ZNF679: variants seen among roughly 807,000 people sequenced by gnomAD.
ZNF679 encodes hypothetical protein MGC42415.
ZNF679 carries 10 observed loss-of-function variants against 13.4 expected under a neutral mutation model. The ratio of observed to expected loss-of-function variants is 0.75; its 90% CI spans 0.46 to 1.27. The LOEUF (loss-of-function observed/expected upper bound fraction) is 1.27, where lower values mean the gene tolerates loss of function less well. Among genes scored for constraint, ZNF679 ranks in the 50% most tolerant of loss-of-function variants. The pLI is 0.00. For synonymous variants in ZNF679, 179 were observed against 162.5 expected (o/e 1.10, Z -0.77); for missense variants, 525 against 477.8 (o/e 1.10, Z -0.92).
In ZNF679 at chr7:64,266,785, A is replaced by C. The variant is rs772498525; in HGVS notation, c.1152A>C (p.Glu384Asp). 5 of 1,609,088 alleles carry C rather than the reference A, an allele frequency of 3.1e-6. No individual in the cohort carries two copies. The African/African-American group carries it at 6.7e-5, about 22-fold the overall frequency. ...HTGEEPYKCE[E>D]CDKAFKWSSS... Reference sequence around the variant, plus strand: ...GAGAGGAACCCTACAAATGTGAAGAATGTGACAAAGCTTTTAAGTGGTCCT... The same window carrying C: ...GAGAGGAACCCTACAAATGTGAAGACTGTGACAAAGCTTTTAAGTGGTCCT... Residue 384 changes from glutamate (E) to aspartate (D), a missense_variant, in exon 5 of 5, where the codon GAA becomes GAC. Transcript: ENST00000421025.
intron 1 of ZNF679, among the ~76,000 whole-genome samples, chr7:64,247,405 G>A (rs777749739): frequency 1.2e-4 from 19 of 152,122 alleles, no homozygotes; most frequent in Non-Finnish European, 2.8e-4. Flanking sequence ...ACTGCAATAT[G>A]CTAGAAAGGT....
At chr7:64,257,978 A>C (rs1331140972) in intron 2 of ZNF679, among the ~76,000 whole-genome samples, 2 of 152,178 alleles carry the variant, frequency 1.3e-5, no homozygotes, top group African/African-American at 4.8e-5. Flanking sequence ...GAGGGGTTCA[A>C]GTTACGTTCA....
At chr7:64,258,878 T>C (rs1788039348) in intron 2 of ZNF679, among the ~76,000 whole-genome samples, 1 of 149,220 alleles carries the variant, frequency 6.7e-6, no homozygotes, top group Admixed American at 6.8e-5. Flanking sequence ...TATAGCATAG[T>C]CTTCTTTTTT....
chr7:64,260,775 C>T (rs1191565909), intron 3 of ZNF679, 59 bp from the exon 4 acceptor site: 9 of 1,513,556 alleles, frequency 5.9e-6, no homozygotes, highest in South Asian at 4.9e-5. Flanking sequence ...GCATAATACT[C>T]GTTTGGTAAT....
chr7:64,245,372 G>A (rs887759509), intron 1 of ZNF679, among the ~76,000 whole-genome samples: 3 of 151,438 alleles, frequency 2.0e-5, no homozygotes, highest in Non-Finnish European at 4.4e-5. Flanking sequence ...GATCTTTGGG[G>A]AAGATGGTGG....
chr7:64,245,589 T>C (rs1787858655), intron 1 of ZNF679, among the ~76,000 whole-genome samples: 1 of 152,134 alleles, frequency 6.6e-6, no homozygotes, highest in Non-Finnish European at 1.5e-5. Context: ...AGAATCTTTT[T>C]TGGCAGTCCC....
rs868085361 is a variant in ZNF679 at position 64,255,880 on chromosome 7, A to G, written c.40-4341A>G. Among the ~76,000 whole-genome samples the G allele has an allele frequency of 6.6e-5, 10 of 152,126 alleles. No homozygotes were observed. The South Asian group carries it at 2.1e-3, about 32-fold the overall frequency. On this transcript the variant is annotated intron_variant, in intron 2 of 4. Transcript: ENST00000421025. ...TGCCTCAACCTCCCAAAGGGTTGGGATTACAGGTGTGAGCCACCGCGCCTG... is the reference window on the plus strand; with the variant it reads ...TGCCTCAACCTCCCAAAGGGTTGGGGTTACAGGTGTGAGCCACCGCGCCTG...
intron 1 of ZNF679, among the ~76,000 whole-genome samples, chr7:64,233,173 G>A (rs1265845645): frequency 6.6e-6 from 1 of 151,734 alleles, no homozygotes; most frequent in Non-Finnish European, 1.5e-5. Flanking sequence ...TCCGGGAGGA[G>A]GTTGTGGTGA....
intron 1 of ZNF679, among the ~76,000 whole-genome samples, chr7:64,245,769 G>A (rs62461242): frequency 3.9e-3 from 601 of 152,286 alleles, no homozygotes; most frequent in Non-Finnish European, 5.5e-3. Context: ...TACCTCGGGA[G>A]GCCGAGGTGG....
chr7:64,263,725 C>T (rs1170623160), intron 4 of ZNF679, among the ~76,000 whole-genome samples: 1 of 152,124 alleles, frequency 6.6e-6, no homozygotes. Context: ...TCTTTTTTGC[C>T]TTCCACTATA....
intron 1 of ZNF679, among the ~76,000 whole-genome samples, chr7:64,229,268 C>G (rs566402591): frequency 1.7e-4 from 26 of 152,182 alleles, no homozygotes; most frequent in African/African-American, 6.0e-4. Context: ...TTATACTGTA[C>G]GCATGAGTGT....
At chr7:64,242,915 G>C (rs1296838733) in intron 1 of ZNF679, among the ~76,000 whole-genome samples, 13 of 152,106 alleles carry the variant, frequency 8.5e-5, no homozygotes, top group Admixed American at 8.5e-4. Flanking sequence ...CTCACCACCT[G>C]ACCTTTGTCC....
intron 2 of ZNF679, among the ~76,000 whole-genome samples, chr7:64,255,967 T>C (rs1049868828): frequency 4.6e-5 from 7 of 152,140 alleles, no homozygotes; most frequent in Admixed American, 4.6e-4. Context: ...AAGTTTGTTA[T>C]ATAGGTAAAA....
At position 64,266,303 on chromosome 7, in the gene ZNF679, T is replaced by C; in HGVS notation, c.670T>C (p.Ser224Pro). The C allele has an allele frequency of 6.2e-7, 1 of 1,609,140 alleles. No individual in the cohort carries two copies. Among genetic ancestry groups the C allele is most frequent in the African/African-American group, 1.3e-5 (1 of 74,866 alleles). ...CEECGKPFNC[S>P]STLSKHKRIH... ...AGAATGCGGCAAACCCTTCAACTGC[T>C]CTTCAACCCTTTCTAAACATAAAAG... The change falls in exon 5 of 5, where the codon TCT (serine) becomes CCT (proline). Residue 224 changes from serine (S) to proline (P), a missense_variant. By Grantham distance (74) the Ser-to-Pro change is moderately conservative. Coordinates refer to ENST00000421025, the MANE Select transcript of ZNF679 (RefSeq NM_153363.3).
Position 64,260,220 on chromosome 7 carries a change from G to A in ZNF679, c.40-1G>A. Reference sequence around the variant, plus strand: ...TTTTTGTTGTTGTTATTGTTTTTCAGGGACTGTTGACATTCAGAGATGTAG... The same window carrying A: ...TTTTTGTTGTTGTTATTGTTTTTCAAGGACTGTTGACATTCAGAGATGTAG... On this transcript the variant is annotated splice_acceptor_variant, in intron 2 of 4. Coordinates refer to ENST00000421025, the MANE Select transcript of ZNF679 (RefSeq NM_153363.3). LOFTEE classifies it high-confidence loss of function. 6.3e-7 allele frequency: 1 copy of A among 1,597,808 alleles called. No individual in the cohort carries two copies. The highest frequency in any genetic ancestry group is 8.5e-7 in the Non-Finnish European group (1 of 1,175,300).
intron 1 of ZNF679, among the ~76,000 whole-genome samples, chr7:64,248,718 C>T (rs1159039144): frequency 6.6e-6 from 1 of 152,238 alleles, no homozygotes; most frequent in South Asian, 2.1e-4. Flanking sequence ...TTATGAATAA[C>T]TATATTATAT....
chr7:64,230,062 G>C (rs1787616020), intron 1 of ZNF679, among the ~76,000 whole-genome samples: 1 of 152,212 alleles, frequency 6.6e-6, no homozygotes. Context: ...GCAGGATCCA[G>C]CGATATGTTA....
At position 64,236,919 on chromosome 7, in the gene ZNF679, AAAG is replaced by A. The variant is rs1279949640; in HGVS notation, c.-91+8273_-91+8275del. Among the ~76,000 whole-genome samples, 171 of 121,024 alleles carry A rather than the reference AAAG, an allele frequency of 1.4e-3. 1 individual carries two copies. The highest frequency in any genetic ancestry group is 1.8e-3 in the East Asian group (7 of 3,784). 79.4% of individuals were successfully genotyped at this position (121,024 alleles called of 152,430 possible). A position where few individuals can be genotyped will look rare whatever the true frequency, so the allele number is the denominator to read the frequency against. ...AAGAAAAAGAAAAAAAGAAAGAAAG[AAAG>A]AAGAAAGAAAGAAAGAAAGAAAGAA... On this transcript the variant is annotated intron_variant, in intron 1 of 4. Coordinates refer to ENST00000421025, the MANE Select transcript of ZNF679 (RefSeq NM_153363.3).
chr7:64,248,961 G>A, intron 1 of ZNF679, 67 bp from the exon 2 acceptor site: 1 of 1,057,344 alleles, frequency 9.5e-7, no homozygotes, highest in Non-Finnish European at 1.4e-6. Flanking sequence ...GTACAATCAG[G>A]CATGCAGCTG....
Sources: allele counts gnomAD v4.1 joint callset (sites outside exome capture counted in the v4.1 genomes callset), GRCh38; gene constraint gnomAD v4.1.1; transcripts MANE v1.5; gene names NCBI Gene and HGNC (gene_info 2026-07-23, HGNC 2026-07-21).